KIAA1671: variants seen among roughly 807,000 people sequenced by gnomAD.
The protein encoded by KIAA1671 is KIAA1671.
A neutral mutation model predicts 131.2 loss-of-function variants in KIAA1671; 52 were observed. That is an observed-to-expected ratio of 0.40 (90% CI 0.32 to 0.50). The LOEUF is 0.50. KIAA1671 is among the 20% of genes least tolerant of loss of function. The pLI is 0.73. For synonymous variants in KIAA1671, 1,003 were observed against 961.6 expected (o/e 1.04, Z -0.80); for missense variants, 2,360 against 2,364.2 (o/e 1.00, Z 0.04).
chr22:24,977,396 C>T (rs555233495), intron 1 of KIAA1671, among the ~76,000 whole-genome samples: 6 of 152,316 alleles, frequency 3.9e-5, no homozygotes, highest in South Asian at 2.1e-4. Context: ...CTTGATAAAC[C>T]GGGCTGGAGG....
intron 6 of KIAA1671, among the ~76,000 whole-genome samples, chr22:25,138,082 C>T (rs1017736620): frequency 3.3e-5 from 5 of 152,208 alleles, no homozygotes; most frequent in Admixed American, 1.3e-4. Context: ...GGTTGTGCTG[C>T]AGTGACAAAT....
intron 6 of KIAA1671, among the ~76,000 whole-genome samples, chr22:25,127,288 C>T (rs1278594462): frequency 1.3e-5 from 2 of 152,224 alleles, no homozygotes; most frequent in African/African-American, 4.8e-5. Flanking sequence ...CAACAACATT[C>T]CTTCCTCCCA....
At chr22:24,963,912 C>T (rs551779091) in intron 1 of KIAA1671, among the ~76,000 whole-genome samples, 9 of 149,792 alleles carry the variant, frequency 6.0e-5, no homozygotes, top group African/African-American at 2.2e-4. Flanking sequence ...TGCACTCCAG[C>T]CTGGGTGACA....
intron 6 of KIAA1671, among the ~76,000 whole-genome samples, chr22:25,127,374 T>TA (rs1932232715): frequency 6.6e-6 from 1 of 152,190 alleles, no homozygotes; most frequent in Non-Finnish European, 1.5e-5. Flanking sequence ...TTAAGAGGGT[T>TA]AAGCCTCTTC....
chr22:24,990,267 T>G (rs1483903187), intron 1 of KIAA1671, among the ~76,000 whole-genome samples: 2 of 152,082 alleles, frequency 1.3e-5, no homozygotes, highest in Non-Finnish European at 2.9e-5. Flanking sequence ...ATTTTTTTAT[T>G]TTTAGTAGAG....
intron 6 of KIAA1671, among the ~76,000 whole-genome samples, chr22:25,155,953 C>CAT (rs34214245): frequency 0.28 from 38,328 of 137,774 alleles, 5,436 homozygotes; most frequent in South Asian, 0.37. Flanking sequence ...TAAATACACA[C>CAT]ATATATATGT....
At chr22:24,985,903 G>A (rs555134199) in intron 1 of KIAA1671, among the ~76,000 whole-genome samples, 77 of 152,190 alleles carry the variant, frequency 5.1e-4, no homozygotes, top group African/African-American at 1.6e-3. Flanking sequence ...TGTGTTTTGC[G>A]AGGGTTGTGG....
intron 6 of KIAA1671, among the ~76,000 whole-genome samples, chr22:25,107,519 G>A (rs1931081112): frequency 7.9e-6 from 1 of 126,666 alleles, no homozygotes; most frequent in Non-Finnish European, 1.6e-5. Context: ...CTGTTGCCCG[G>A]GCTGGAGTGC....
chr22:25,131,289 G>A (rs1210965729), intron 6 of KIAA1671, among the ~76,000 whole-genome samples: 1 of 152,202 alleles, frequency 6.6e-6, no homozygotes, highest in Admixed American at 6.5e-5. Flanking sequence ...TGCCCCCATG[G>A]TACCCTCTGC....
intron 6 of KIAA1671, among the ~76,000 whole-genome samples, chr22:25,077,895 T>A (rs1310991500): frequency 6.6e-6 from 1 of 152,226 alleles, no homozygotes; most frequent in Non-Finnish European, 1.5e-5. Flanking sequence ...TAGGTGACAG[T>A]AGTAATAATA....
At chr22:24,984,187 A>G (rs1923389073) in intron 1 of KIAA1671, among the ~76,000 whole-genome samples, 2 of 152,170 alleles carry the variant, frequency 1.3e-5, no homozygotes, top group Admixed American at 1.3e-4. Flanking sequence ...CATGACAGTG[A>G]CTGAGGGTAC....
At chr22:25,037,259 G>T (rs960572054) in intron 4 of KIAA1671, among the ~76,000 whole-genome samples, 4 of 151,094 alleles carry the variant, frequency 2.6e-5, no homozygotes, top group Non-Finnish European at 3.0e-5. Context: ...GAAGGCGGAG[G>T]TTGCAGTGAG....
At chr22:25,132,709 C>T (rs1209367784) in intron 6 of KIAA1671, among the ~76,000 whole-genome samples, 1 of 152,158 alleles carries the variant, frequency 6.6e-6, no homozygotes, top group Admixed American at 6.5e-5. Context: ...GTTACAGGTT[C>T]TCCTCACTTT....
intron 1 of KIAA1671, among the ~76,000 whole-genome samples, chr22:25,005,385 T>C (rs1057490647): frequency 1.3e-5 from 2 of 150,918 alleles, no homozygotes; most frequent in Non-Finnish European, 2.9e-5. Flanking sequence ...AATTGAAAGG[T>C]TACTCCAAGG....
Position 24,957,764 on chromosome 22 carries a change from A to G in KIAA1671, c.-208+4992A>G, listed in dbSNP as rs578226105. Among the ~76,000 whole-genome samples, 5 of 130,408 alleles carry G rather than the reference A, an allele frequency of 3.8e-5. No individual in the cohort carries two copies. In the East Asian group the frequency reaches 1.1e-3, roughly 29 times the overall value. 85.6% of individuals were successfully genotyped at this position (130,408 alleles called of 152,430 possible). On this transcript the variant is annotated intron_variant, in intron 1 of 12. Transcript: ENST00000358431. ...AGGATCTCGGCTTACTGCAGCCTCC[A>G]CCTCCTGGGTTCAAGTGATTCTCCT...
intron 6 of KIAA1671, among the ~76,000 whole-genome samples, chr22:25,140,514 G>A (rs1022233392): frequency 8.5e-5 from 13 of 152,048 alleles, no homozygotes; most frequent in Non-Finnish European, 1.3e-4. Flanking sequence ...ATGTGATGCC[G>A]CAGGGGAATA....
At chr22:24,985,779 GGA>G (rs147630044) in intron 1 of KIAA1671, among the ~76,000 whole-genome samples, 22 of 150,080 alleles carry the variant, frequency 1.5e-4, no homozygotes, top group Admixed American at 2.7e-4. Context: ...TATGGTGAGG[GGA>G]GAGAGAGAGA....
chr22:25,057,279 G>A (rs1435865616), intron 6 of KIAA1671: 1 of 152,364 alleles, frequency 6.6e-6, no homozygotes, highest in Admixed American at 6.5e-5. Flanking sequence ...GCTGGCTTCG[G>A]TTTCAGCAGT....
intron 1 of KIAA1671, among the ~76,000 whole-genome samples, chr22:24,957,375 A>G (rs1468324093): frequency 6.6e-6 from 1 of 152,168 alleles, no homozygotes; most frequent in African/African-American, 2.4e-5. Context: ...TAAAAGTTAG[A>G]CCATGGGCAG....
Sources: gnomAD v4.1 joint callset for allele counts (sites outside exome capture counted in the v4.1 genomes callset) on GRCh38, gnomAD v4.1.1 for gene constraint, MANE v1.5 for transcripts, NCBI Gene and HGNC (gene_info 2026-07-23, HGNC 2026-07-21) for gene names.